Variants in CATSPER1 observed in about 807,000 individuals in gnomAD.
The protein encoded by CATSPER1 is cation channel sperm-associated protein 1.
CATSPER1 carries 57 observed loss-of-function variants against 72.7 expected under a neutral mutation model. The ratio of observed to expected loss-of-function variants is 0.78; its 90% CI spans 0.63 to 0.98. CATSPER1 has a LOEUF of 0.98. Among genes scored for constraint, CATSPER1 ranks in the 50% least tolerant of loss-of-function variants. The pLI, the probability that CATSPER1 is intolerant of heterozygous loss-of-function variation, is 0.00. For missense variants in CATSPER1, 910 were observed against 1,033.9 expected (o/e 0.88, Z 1.64); for synonymous variants, 363 against 403.0 (o/e 0.90, Z 1.19).
rs564149936 is a variant in CATSPER1, at chr11:66,020,931, C to G, written c.1807G>C (p.Ala603Pro). 5.6e-6 allele frequency: 9 copies of G among 1,614,002 alleles called. No individual in the cohort carries two copies. In the South Asian group the frequency reaches 7.7e-5, roughly 14 times the overall value. The change falls in exon 6 of 12, where the codon GCA becomes CCA. Residue 603 changes from alanine (A) to proline (P), a missense_variant. By Grantham distance (27) the Ala-to-Pro change is conservative (BLOSUM62 -1). Coordinates refer to ENST00000312106, the MANE Select transcript of CATSPER1 (RefSeq NM_053054.4). The surrounding 1 kb of genome is among the most constrained non-coding windows in gnomAD (Gnocchi z 4.5). The part of the protein sequence containing the change: ...CLFLFSAVLR[A>P]LFRKSDPKRF... ...TTGGGGTCAGATTTGCGGAACAGTG[C>G]CCGGAGGACCGCGGAGAAGAGGACT...
In CATSPER1 at chr11:66,020,700, T is replaced by C. The variant is rs2134990313; in HGVS notation, c.1928-73A>G. ...CCAACCACGACCTGCTCCCTTCCCA[T>C]ACCCGGACATGCAGGCATCAGAAGC... On this transcript the variant is annotated intron_variant, in intron 6 of 11. Coordinates refer to ENST00000312106, the MANE Select transcript of CATSPER1 (RefSeq NM_053054.4). The surrounding 1 kb of genome is among the most constrained non-coding windows in gnomAD (Gnocchi z 4.5). 1 of 1,592,838 alleles carries C rather than the reference T, an allele frequency of 6.3e-7. No homozygotes were observed. The highest frequency in any genetic ancestry group is 8.6e-7 in the Non-Finnish European group (1 of 1,163,952).
rs370610330 is a variant in CATSPER1, at chr11:66,021,216, T to A, written c.1692-31A>T. 3 of 1,591,930 alleles carry A rather than the reference T, an allele frequency of 1.9e-6. No homozygotes were observed. In the African/African-American group the frequency reaches 4.0e-5, roughly 21 times the overall value. On this transcript the variant is annotated intron_variant, in intron 4 of 11. Transcript: ENST00000312106. ...GGCAGAAGGAGTGGGGACTGAGTCA[T>A]CGGTGAGGGGCGGGGGTGTGTGTCT...
intron 1 of CATSPER1, 48 bp from the exon 2 acceptor site, chr11:66,023,109 G>T: frequency 6.5e-7 from 1 of 1,534,794 alleles, no homozygotes. Flanking sequence ...GAGGGGACAC[G>T]AGGTCCCAGG....
chr11:66,022,015 T>C (rs1190697941), intron 2 of CATSPER1, 136 bp from the exon 3 acceptor site: 1 of 724,624 alleles, frequency 1.4e-6, no homozygotes, highest in African/African-American at 1.7e-5. Context: ...ACTTCACTAC[T>C]GCTGTGTCTC....
At position 66,020,864 on chromosome 11, in the gene CATSPER1, G is replaced by T. The variant is rs1356733190; in HGVS notation, c.1874C>A (p.Thr625Asn). ...GGACCAGTCATCCAGCGTGAGCAAG[G>T]TGAAGAGGGTGAAGATGGTGGTGAA... ...NIFTTIFTLFTLLTLDDWSLI... is the reference protein window; with the variant it reads ...NIFTTIFTLFNLLTLDDWSLI... Residue 625 changes from threonine (T) to asparagine (N), a missense_variant, in exon 6 of 12, where the codon ACC (threonine) becomes AAC (asparagine). Physicochemically the swap from Thr to Asn is moderately conservative, Grantham distance 65 (BLOSUM62 0). Coordinates refer to ENST00000312106, the MANE Select transcript of CATSPER1 (RefSeq NM_053054.4). The surrounding 1 kb of genome is among the most constrained non-coding windows in gnomAD (Gnocchi z 4.5). 6.2e-7 allele frequency: 1 copy of T among 1,613,982 alleles called. No homozygotes were observed. The highest frequency in any genetic ancestry group is 1.1e-5 in the South Asian group (1 of 91,082).
Position 66,017,193 on chromosome 11 carries a change from G to GGGGGGGGGGGGGGGGGGGGGC in CATSPER1, c.2202-20_2202-19insGCCCCCCCCCCCCCCCCCCCC. The GGGGGGGGGGGGGGGGGGGGGC allele has an allele frequency of 2.6e-5, 13 of 493,762 alleles. No homozygotes were observed. The highest frequency in any genetic ancestry group is 5.5e-5 in the East Asian group (1 of 18,086). The allele number at this position is 493,762 out of a possible 1,614,324, so 30.6% of individuals were successfully genotyped here. On this transcript the variant is annotated intron_variant, in intron 10 of 11. Transcript: ENST00000312106. ...CTGCTGCCTGCGGGTGGGCGGGGGG[G>GGGGGGGGGGGGGGGGGGGGGC]TCGCAGAGACAGGGGCTGGGCTGAC...
intron 3 of CATSPER1, 28 bp downstream of exon 3, chr11:66,021,738 C>T: frequency 6.2e-7 from 1 of 1,612,242 alleles, no homozygotes; most frequent in Non-Finnish European, 8.5e-7. Flanking sequence ...AGACTAAACA[C>T]ACGCAGCCTG....
intron 9 of CATSPER1, 100 bp from the exon 10 acceptor site, chr11:66,019,002 C>T (rs1565069690): frequency 1.2e-5 from 12 of 966,190 alleles, no homozygotes; most frequent in Non-Finnish European, 2.0e-5. Flanking sequence ...GAGTTTCTGG[C>T]CAGGCTGCTC....
At chr11:66,022,742 T>G in intron 2 of CATSPER1, 107 bp downstream of exon 2, 1 of 1,024,040 alleles carries the variant, frequency 9.8e-7, no homozygotes, top group African/African-American at 1.6e-5. Context: ...GGGGTGAGGA[T>G]CAAGTGAGCT....
At position 66,021,818 on chromosome 11, in the gene CATSPER1, G is replaced by T. The variant is rs760393532; in HGVS notation, c.1491C>A (p.Leu497=). The change falls in exon 3 of 12, where the codon CTC becomes CTA. Residue 497 remains leucine (L), a synonymous_variant. Transcript: ENST00000312106. ...ACGAGAGGCCCAGGGCGATGATCTTGAGCAGGGCTTCCACCACGTAGATGC... is the reference window on the plus strand; with the variant it reads ...ACGAGAGGCCCAGGGCGATGATCTTTAGCAGGGCTTCCACCACGTAGATGC... ...FFCIYVVEAL[L]KIIALGLSYF... 2 of 1,614,170 alleles carry T rather than the reference G, an allele frequency of 1.2e-6. No individual in the cohort carries two copies. Among genetic ancestry groups the T allele is most frequent in the Non-Finnish European group, 1.7e-6 (2 of 1,180,036 alleles).
chr11:66,025,938 G>A lies in CATSPER1; in HGVS notation c.442C>T (p.His148Tyr), dbSNP rs1250347572. 6.2e-7 allele frequency: 1 copy of A among 1,613,848 alleles called. No homozygotes were observed. Among genetic ancestry groups the A allele is most frequent in the South Asian group, 1.1e-5 (1 of 91,048 alleles). The stretch of plus-strand genomic sequence containing the variant: ...CCGAGATATTGGGGTCTGCCATGGT[G>A]AGACCCCCTATGGTAATGGGAGTCA... ...QSDSHYHRGS[H>Y]HGRPQYLGEN... Residue 148 changes from histidine (H) to tyrosine (Y), a missense_variant, in exon 1 of 12, where the codon CAC (histidine) becomes TAC (tyrosine). Physicochemically the swap from His to Tyr is moderately conservative, Grantham distance 83. Transcript: ENST00000312106.
chr11:66,022,913 G>A lies in CATSPER1; in HGVS notation c.1365C>T (p.Phe455=). Residue 455 remains phenylalanine (F), a synonymous_variant, in exon 2 of 12, where the codon TTC becomes TTT. Coordinates refer to ENST00000312106, the MANE Select transcript of CATSPER1 (RefSeq NM_053054.4). ...QSLAFETFIF[F]VVCLNTVMLV... ...GCATGACGGTGTTGAGGCAGACAAC[G>A]AAGAAGATGAAAGTTTCAAAGGCCA... 2 of 1,614,200 alleles carry A rather than the reference G, an allele frequency of 1.2e-6. No homozygotes were observed. Among genetic ancestry groups the A allele is most frequent in the East Asian group, 2.2e-5 (1 of 44,874 alleles).
Position 66,025,297 on chromosome 11 carries a change from G to A in CATSPER1, c.1083C>T (p.His361=). The A allele has an allele frequency of 6.2e-7, 1 of 1,614,224 alleles. No individual in the cohort carries two copies. The highest frequency in any genetic ancestry group is 1.7e-5 in the Admixed American group (1 of 60,024). The change falls in exon 1 of 12, where the codon CAC becomes CAT. Residue 361 remains histidine (H), a synonymous_variant. Transcript: ENST00000312106. The part of the protein sequence containing the change: ...YHVAHPRGSA[H]SMTRSSSTIR... ...TTGTGCTGGAGGACCGAGTCATGCT[G>A]TGAGCCGAGCCCCGTGGGTGTGCTA...
chr11:66,022,857 A>T lies in CATSPER1; in HGVS notation c.1421T>A (p.Ile474Asn). 6 of 1,614,186 alleles carry T rather than the reference A, an allele frequency of 3.7e-6. No individual in the cohort carries two copies. Among genetic ancestry groups the T allele is most frequent in the Non-Finnish European group, 5.1e-6 (6 of 1,180,028 alleles). ...LVAQTFAEVEIRGEWYFMALD... is the reference protein window; with the variant it reads ...LVAQTFAEVENRGEWYFMALD... ...GACTCCCTGGCTCTTACCGCCCCGG[A>T]TCTCGACTTCAGCGAAGGTCTGGGC... The change falls in exon 2 of 12, where the codon ATC becomes AAC. Residue 474 changes from isoleucine to asparagine, a missense_variant. Ile to Asn is a moderately radical substitution (Grantham distance 149). Coordinates refer to ENST00000312106, the MANE Select transcript of CATSPER1 (RefSeq NM_053054.4).
In CATSPER1 at chr11:66,026,085, C is replaced by G. The variant is rs376343721; in HGVS notation, c.295G>C (p.Ala99Pro). Reference protein sequence around the residue: ...RAHGPTGFGLAPSQGAVPSHR... With the variant: ...RAHGPTGFGLPPSQGAVPSHR... Reference sequence around the variant, plus strand: ...GAGGGGACGGCGCCTTGAGAGGGAGCCAGACCAAAGCCTGTGGGGCCATGG... The same window carrying G: ...GAGGGGACGGCGCCTTGAGAGGGAGGCAGACCAAAGCCTGTGGGGCCATGG... The change falls in exon 1 of 12, where the codon GCT becomes CCT. Residue 99 changes from alanine to proline, a missense_variant. Transcript: ENST00000312106. 8.7e-6 allele frequency: 14 copies of G among 1,612,868 alleles called. No individual in the cohort carries two copies. The African/African-American group carries it at 1.9e-4, about 22-fold the overall frequency.
At chr11:66,024,701 C>T (rs1856456559) in intron 1 of CATSPER1, among the ~76,000 whole-genome samples, 1 of 152,188 alleles carries the variant, frequency 6.6e-6, no homozygotes, top group South Asian at 2.1e-4. Flanking sequence ...TCTCTGTTCT[C>T]AAGCAGCTCA....
chr11:66,016,888 G>A lies in CATSPER1; in HGVS notation c.*2C>T, dbSNP rs1338013624. ...AAGTCTGTATCTGGTGTCCTCCTGG[G>A]GTCAATTCCTGAAGTCCTCTTCTCC... On this transcript the variant is annotated 3_prime_UTR_variant, in exon 12 of 12. Transcript: ENST00000312106. The A allele has an allele frequency of 3.7e-6, 6 of 1,613,800 alleles. No homozygotes were observed. Among genetic ancestry groups the A allele is most frequent in the Admixed American group, 1.7e-5 (1 of 59,976 alleles).
Position 66,017,193 on chromosome 11 carries a change from G to GGGGGGGGGGGGGT in CATSPER1, c.2202-20_2202-19insACCCCCCCCCCCC. On this transcript the variant is annotated intron_variant, in intron 10 of 11. Coordinates refer to ENST00000312106, the MANE Select transcript of CATSPER1 (RefSeq NM_053054.4). Reference sequence around the variant, plus strand: ...CTGCTGCCTGCGGGTGGGCGGGGGGGTCGCAGAGACAGGGGCTGGGCTGAC... The same window carrying GGGGGGGGGGGGGT: ...CTGCTGCCTGCGGGTGGGCGGGGGGGGGGGGGGGGGGGTTCGCAGAGACAGGGGCTGGGCTGAC... The GGGGGGGGGGGGGT allele has an allele frequency of 1.4e-5, 7 of 493,808 alleles. No homozygotes were observed. The highest frequency in any genetic ancestry group is 4.9e-5 in the Admixed American group (2 of 40,528). 30.6% of individuals were successfully genotyped at this position (493,808 alleles called of 1,614,324 possible).
Position 66,025,637 on chromosome 11 carries a change from G to A in CATSPER1, c.743C>T (p.Ser248Phe). 6.2e-7 allele frequency: 1 copy of A among 1,613,630 alleles called. No individual in the cohort carries two copies. Among genetic ancestry groups the A allele is most frequent in the Non-Finnish European group, 8.5e-7 (1 of 1,179,820 alleles). The change falls in exon 1 of 12, where the codon TCC becomes TTC. Residue 248 changes from serine (S) to phenylalanine (F), a missense_variant. Coordinates refer to ENST00000312106, the MANE Select transcript of CATSPER1 (RefSeq NM_053054.4). Reference sequence around the variant, plus strand: ...GTAGGACCCCACAGAGGAATGAGGGGAAATGGTCTCTCCGTGATGAGGAGA... The same window carrying A: ...GTAGGACCCCACAGAGGAATGAGGGAAAATGGTCTCTCCGTGATGAGGAGA... ...GKSPHHGETISPHSSVGSYQR... is the reference protein window; with the variant it reads ...GKSPHHGETIFPHSSVGSYQR...
Sources: allele counts gnomAD v4.1 joint callset (sites outside exome capture counted in the v4.1 genomes callset), GRCh38; gene constraint gnomAD v4.1.1; non-coding constraint Gnocchi (gnomAD v3.1); transcripts MANE v1.5; gene names NCBI Gene and HGNC (gene_info 2026-07-23, HGNC 2026-07-21).